GCNT2: variants seen among roughly 807,000 people sequenced by gnomAD.
The protein encoded by GCNT2 is glucosaminyl (N-acetyl) transferase 2 (I blood group).
In GCNT2, 34 loss-of-function variants were observed where a neutral mutation model predicts 34.2. The observed-to-expected ratio is 1.00, with a 90% CI of 0.76 to 1.32. The LOEUF is 1.32. Among genes scored for constraint, GCNT2 ranks in the 40% most tolerant of loss-of-function variants. The pLI, the probability that GCNT2 is intolerant of heterozygous loss-of-function variation, is 0.00. For missense variants in GCNT2, 584 were observed against 489.4 expected, an observed-to-expected ratio of 1.19 and a Z score of -1.82; for synonymous variants, 212 against 188.0, an observed-to-expected ratio of 1.13 and a Z score of -1.04.
At chr6:10,557,235 T>C (rs1181335180) in intron 3 of GCNT2, 1 of 1,595,380 alleles carries the variant, frequency 6.3e-7, no homozygotes, top group Non-Finnish European at 8.5e-7. Flanking sequence ...TCAAGAGAGT[T>C]TGCCAACTTT....
chr6:10,574,239 C>A (rs1403884946), intron 3 of GCNT2, among the ~76,000 whole-genome samples: 1 of 152,100 alleles, frequency 6.6e-6, no homozygotes, highest in Non-Finnish European at 1.5e-5. Flanking sequence ...GAAGCTTGTC[C>A]ACTCATGGGT....
intron 3 of GCNT2, among the ~76,000 whole-genome samples, chr6:10,614,498 C>T (rs978726653): frequency 2.6e-5 from 4 of 151,904 alleles, no homozygotes; most frequent in Non-Finnish European, 5.9e-5. Context: ...TAGTGGCACG[C>T]CCCTCTAGTC....
chr6:10,610,417 C>T lies in GCNT2; in HGVS notation c.926-10934C>T, dbSNP rs545201797. Among the ~76,000 whole-genome samples, 8 of 152,278 alleles carry T rather than the reference C, an allele frequency of 5.3e-5. No homozygotes were observed. In the East Asian group the frequency reaches 1.5e-3, roughly 29 times the overall value. On this transcript the variant is annotated intron_variant, in intron 3 of 4. Coordinates refer to ENST00000495262, the MANE Select transcript of GCNT2 (RefSeq NM_145649.5). ...CTGCTATAATTAGAAGAGTGTTTGA[C>T]AAGAGCTAAAAATTATAAACAGCAG...
intron 3 of GCNT2, among the ~76,000 whole-genome samples, chr6:10,582,362 T>C (rs1764135282): frequency 8.8e-6 from 1 of 113,938 alleles, no homozygotes; most frequent in Non-Finnish European, 1.7e-5. Flanking sequence ...ATATTAAATA[T>C]AATATATACT....
intron 3 of GCNT2, among the ~76,000 whole-genome samples, chr6:10,531,874 C>CTTT (rs71548846): frequency 0.35 from 45,031 of 129,206 alleles, 8,784 homozygotes; most frequent in South Asian, 0.56. Context: ...CCAATCCCCA[C>CTTT]TTTTTTTTTT....
At chr6:10,547,985 A>G (rs1762339706) in intron 3 of GCNT2, among the ~76,000 whole-genome samples, 1 of 152,198 alleles carries the variant, frequency 6.6e-6, no homozygotes, top group South Asian at 2.1e-4. Context: ...AGTCCCAGTG[A>G]TTCTTTTTGG....
At chr6:10,525,020 G>A (rs1460900681) in intron 1 of GCNT2, among the ~76,000 whole-genome samples, 1 of 152,094 alleles carries the variant, frequency 6.6e-6, no homozygotes, top group Non-Finnish European at 1.5e-5. Context: ...TGATGTCATG[G>A]TAAAATGAAT....
At chr6:10,585,229 G>C (rs566329750) in intron 3 of GCNT2, among the ~76,000 whole-genome samples, 1 of 152,222 alleles carries the variant, frequency 6.6e-6, no homozygotes, top group African/African-American at 2.4e-5. Context: ...GCCCAGGCTG[G>C]AGTGCAGTGC....
intron 4 of GCNT2, among the ~76,000 whole-genome samples, chr6:10,624,210 G>A (rs761289308): frequency 2.0e-5 from 3 of 152,142 alleles, no homozygotes; most frequent in Non-Finnish European, 4.4e-5. Flanking sequence ...CTCCCAAGGT[G>A]TATTAGTCCG....
intron 3 of GCNT2, among the ~76,000 whole-genome samples, chr6:10,584,466 G>T (rs1764252823): frequency 6.6e-6 from 1 of 152,078 alleles, no homozygotes; most frequent in East Asian, 1.9e-4. Flanking sequence ...CCGCATTGAG[G>T]CCTTCTTCTT....
At chr6:10,534,854 C>G (rs555604306) in intron 3 of GCNT2, among the ~76,000 whole-genome samples, 9 of 152,128 alleles carry the variant, frequency 5.9e-5, no homozygotes, top group African/African-American at 1.9e-4. Context: ...GAGTGAGACT[C>G]TGTCTCAAAA....
rs142347212 is a variant in GCNT2 at position 10,584,673 on chromosome 6, C to T, written c.926-36678C>T. Among the ~76,000 whole-genome samples, 1,004 of 152,254 alleles carry T rather than the reference C, an allele frequency of 6.6e-3. 14 individuals are homozygous for T. Among genetic ancestry groups the T allele is most frequent in the African/African-American group, 0.023 (942 of 41,548 alleles). ...CTAGTTAATAGAGAATGGAGAATGG[C>T]GATGACTTTTACAAAGCATACTGCC... On this transcript the variant is annotated intron_variant, in intron 3 of 4. Coordinates refer to ENST00000495262, the MANE Select transcript of GCNT2 (RefSeq NM_145649.5).
At chr6:10,565,907 T>C (rs1223278026) in intron 3 of GCNT2, among the ~76,000 whole-genome samples, 1 of 152,222 alleles carries the variant, frequency 6.6e-6, no homozygotes, top group Non-Finnish European at 1.5e-5. Flanking sequence ...CCCATGATCA[T>C]GCGATCACAT....
chr6:10,614,813 A>T (rs936457811), intron 3 of GCNT2, among the ~76,000 whole-genome samples: 34 of 152,094 alleles, frequency 2.2e-4, no homozygotes, highest in African/African-American at 7.2e-4. Context: ...TGACTGAGTC[A>T]ATGGGGCCAC....
chr6:10,568,249 G>A (rs958738869), intron 3 of GCNT2, among the ~76,000 whole-genome samples: 6 of 151,764 alleles, frequency 4.0e-5, no homozygotes, highest in Non-Finnish European at 8.8e-5. Context: ...AAGCTTCCAC[G>A]AGTGCCTGCT....
intron 4 of GCNT2, 113 bp downstream of exon 4, chr6:10,621,556 C>T: frequency 2.7e-6 from 2 of 735,938 alleles, no homozygotes; most frequent in Non-Finnish European, 4.9e-6. Context: ...TTAGACCAAT[C>T]TGTTAGTTAT....
intron 3 of GCNT2, among the ~76,000 whole-genome samples, chr6:10,535,570 A>G (rs1761715630): frequency 6.6e-6 from 1 of 152,158 alleles, no homozygotes; most frequent in Non-Finnish European, 1.5e-5. Flanking sequence ...CTCTGCCTGT[A>G]ATAGGGACAT....
At chr6:10,556,415 CTTT>C (rs1181206191) in intron 3 of GCNT2, 1 of 1,613,726 alleles carries the variant, frequency 6.2e-7, no homozygotes, top group Non-Finnish European at 8.5e-7. Flanking sequence ...TTTCACCCTT[CTTT>C]GAGGCATGCC....
chr6:10,536,969 T>G (rs1414102413), intron 3 of GCNT2, among the ~76,000 whole-genome samples: 5 of 152,132 alleles, frequency 3.3e-5, no homozygotes, highest in Non-Finnish European at 2.9e-5. Flanking sequence ...TTTCACCATG[T>G]TGGCCAGGCT....
Sources: gnomAD v4.1 joint callset for allele counts (sites outside exome capture counted in the v4.1 genomes callset) on GRCh38, gnomAD v4.1.1 for gene constraint, MANE v1.5 for transcripts, NCBI Gene and HGNC (gene_info 2026-07-23, HGNC 2026-07-21) for gene names.